Variants in HELZ2 observed in about 807,000 individuals in gnomAD.
HELZ2 encodes helicase with zinc finger 2, also known as 3'-5' exoribonuclease HELZ2.
A neutral mutation model predicts 208.8 loss-of-function variants in HELZ2; 143 were observed. The observed-to-expected ratio is 0.68, with a 90% CI of 0.60 to 0.79. The LOEUF is 0.79. Ranked by LOEUF, HELZ2 falls within the 30% of genes least tolerant of loss-of-function variation. HELZ2 has a pLI of 0.00. For synonymous variants in HELZ2, 1,705 were observed against 1,693.7 expected (o/e 1.01, Z -0.16); for missense variants, 3,690 against 3,794.5 (o/e 0.97, Z 0.72).
intron 8 of HELZ2, 46 bp from the exon 10 acceptor site, chr20:63,562,428 A>G: frequency 6.5e-7 from 1 of 1,541,830 alleles, no homozygotes; most frequent in Non-Finnish European, 8.7e-7. Context: ...ACTCCCAGGA[A>G]AGGGGCTGCT....
At position 63,561,994 on chromosome 20, in the gene HELZ2, G is replaced by A. The variant is rs779834791; in HGVS notation, c.6530-10C>T. On this transcript the variant is annotated splice_polypyrimidine_tract_variant and intron_variant, in intron 10 of 18. Transcript: ENST00000467148. ...ATCGTCTTCCCTGTACCTGCAGCCA[G>A]AGAATAGGAGATTGTAGCCCACCCT... 2 of 1,590,928 alleles carry A rather than the reference G, an allele frequency of 1.3e-6. No homozygotes were observed. Among genetic ancestry groups the A allele is most frequent in the Non-Finnish European group, 1.7e-6 (2 of 1,165,240 alleles).
upstream of HELZ2, among the ~76,000 whole-genome samples, chr20:63,573,941 T>A (rs1479161830): frequency 6.6e-6 from 1 of 151,952 alleles, no homozygotes; most frequent in Non-Finnish European, 1.5e-5. This position sits in a 1 kb window ranked among gnomAD's most constrained non-coding sequence, Gnocchi z 4.9. Flanking sequence ...AATCCTGCGC[T>A]CCAGTGGGTG....
At chr20:63,566,627 C>CTCA (rs2082961652) in intron 6 of HELZ2, among the ~76,000 whole-genome samples, 174 bp from the exon 8 acceptor site, 1 of 152,010 alleles carries the variant, frequency 6.6e-6, no homozygotes, top group East Asian at 1.9e-4. Flanking sequence ...GAGCGCAGGA[C>CTCA]GCAGTGAGGA....
exon 12 of HELZ2, chr20:63,561,722 G>T: frequency 6.2e-7 from 1 of 1,608,534 alleles, no homozygotes; most frequent in South Asian, 1.1e-5. Flanking sequence ...AGGGGCTTCA[G>T]CTCCATCCTT....
At position 63,562,266 on chromosome 20, in the gene HELZ2, T is replaced by TG. The variant is rs774705527; in HGVS notation, c.6397+21dup. On this transcript the variant is annotated intron_variant, in intron 9 of 18. Transcript: ENST00000467148. ...TGGGGCTGGGGGCCAGAGGGGAAGC[T>TG]GGAGGGGTGGGGCAGACCTACCTCT... 2.0e-5 allele frequency: 31 copies of TG among 1,562,592 alleles called. No homozygotes were observed. In the South Asian group the frequency reaches 3.3e-4, roughly 17 times the overall value.
At chr20:63,563,522 T>G (rs1600972128) in exon 8 of HELZ2, 1 of 1,511,230 alleles carries the variant, frequency 6.6e-7, no homozygotes, top group Non-Finnish European at 8.8e-7. Context: ...GGGGCAGGGG[T>G]CAGGCAGCGT....
At chr20:63,561,859 A>C in exon 11 of HELZ2, 1 of 1,567,674 alleles carries the variant, frequency 6.4e-7, no homozygotes, top group East Asian at 2.3e-5. Flanking sequence ...GAGGGGCCGC[A>C]GTACAAGATG....
chr20:63,561,739 A>T (rs1424746170), exon 12 of HELZ2: 1 of 1,599,518 alleles, frequency 6.3e-7, no homozygotes, highest in East Asian at 2.2e-5. Context: ...CCTTCTCAGG[A>T]GCAGTCCTGA....
downstream of HELZ2, chr20:63,559,118 C>T (rs952148887): frequency 1.0e-4 from 110 of 1,075,286 alleles, no homozygotes; most frequent in Admixed American, 2.4e-4. Context: ...CACTTCCTGC[C>T]CCAGGGAGAT....
At position 63,568,645 on chromosome 20, in the gene HELZ2, C is replaced by A. The variant is rs2146020631; in HGVS notation, c.1443G>T (p.Trp481Cys). Residue 481 changes from tryptophan to cysteine, a missense_variant, in exon 5 of 19, where the codon TGG becomes TGT. Coordinates refer to ENST00000467148, the Ensembl canonical transcript of HELZ2. ...CAGGCAGTGTGTCCACTGCCTGGTG[C>A]CAGAGGCGGAAGGTCATCGGGTCAA... The A allele has an allele frequency of 3.7e-6, 6 of 1,604,122 alleles. No individual in the cohort carries two copies. The South Asian group carries it at 5.5e-5, about 15-fold the overall frequency.
rs1217667669 is a variant in HELZ2, at chr20:63,563,626, C to T, written c.5196G>A (p.Gln1732=). ...GCTTGTCCAGAGGCTGGGCCTTGAGCTGCACGGCCAGGTGCAGGCTGCGCG... is the reference window on the plus strand; with the variant it reads ...GCTTGTCCAGAGGCTGGGCCTTGAGTTGCACGGCCAGGTGCAGGCTGCGCG... Residue 1732 remains glutamine, a synonymous_variant, in exon 8 of 19, where the codon CAG becomes CAA. Coordinates refer to ENST00000467148, the Ensembl canonical transcript of HELZ2. 4 of 1,542,222 alleles carry T rather than the reference C, an allele frequency of 2.6e-6. No homozygotes were observed. In the East Asian group the frequency reaches 9.7e-5, roughly 37 times the overall value.
At chr20:63,566,479 G>T (rs747562111) in intron 6 of HELZ2, 26 bp from the exon 8 acceptor site, 1 of 1,544,474 alleles carries the variant, frequency 6.5e-7, no homozygotes, top group South Asian at 1.2e-5. Context: ...GGCCGGGGAT[G>T]AGTGCTGGAC....
chr20:63,569,557 G>A (rs376955095), exon 4 of HELZ2: 31 of 1,601,732 alleles, frequency 1.9e-5, no homozygotes, highest in Middle Eastern at 1.6e-4. Flanking sequence ...CTGGGCACAC[G>A]GAAGCGCTCA....
chr20:63,562,615 G>A (rs764192471), exon 8 of HELZ2: 18 of 1,593,526 alleles, frequency 1.1e-5, no homozygotes, highest in African/African-American at 2.7e-5. Context: ...TGTGGTGGAC[G>A]AAGAGGTGCA....
At position 63,567,375 on chromosome 20, in the gene HELZ2, G is replaced by A. The variant is rs1302513824; in HGVS notation, c.1983C>T (p.Phe661=). The A allele has an allele frequency of 8.1e-6, 13 of 1,597,626 alleles. No homozygotes were observed. In the African/African-American group the frequency reaches 1.6e-4, roughly 20 times the overall value. The change falls in exon 6 of 19, where the codon TTC becomes TTT. Residue 661 remains phenylalanine (F), a synonymous_variant. Coordinates refer to ENST00000467148, the Ensembl canonical transcript of HELZ2. ...CCGCCTCATCGATGAGAATGTGGGA[G>A]AAGAAGCCGACCGGCACCCTGAGCT...
chr20:63,571,109 G>T, intron 1 of HELZ2: 1 of 486,154 alleles, frequency 2.1e-6, no homozygotes, highest in South Asian at 3.8e-5. Context: ...GGAGGCCCCC[G>T]TCCACTGAAC....
exon 8 of HELZ2, chr20:63,565,341 G>T: frequency 6.2e-7 from 1 of 1,607,260 alleles, no homozygotes; most frequent in Non-Finnish European, 8.5e-7. Flanking sequence ...CCACAGTCCA[G>T]GCGGCCCCTG....
Position 63,570,394 on chromosome 20 carries a change from G to C in HELZ2, c.570+110C>G, listed in dbSNP as rs535086527. The C allele has an allele frequency of 9.4e-6, 8 of 853,726 alleles. 1 individual carries two copies. In the South Asian group the frequency reaches 1.2e-4, roughly 12 times the overall value. 52.9% of individuals were successfully genotyped at this position (853,726 alleles called of 1,614,324 possible). ...GCTGCAGGTCACGCAGGTGCTGAGCGGCAGTGCCTCGGTATTAGCTCCATG... is the reference window on the plus strand; with the variant it reads ...GCTGCAGGTCACGCAGGTGCTGAGCCGCAGTGCCTCGGTATTAGCTCCATG... On this transcript the variant is annotated intron_variant, in intron 3 of 18. Transcript: ENST00000467148.
At chr20:63,569,118 C>CCCAGCTGCTCCTGCTAG in intron 4 of HELZ2, 30 bp downstream of exon 5, 2 of 1,577,050 alleles carry the variant, frequency 1.3e-6, no homozygotes, top group South Asian at 2.3e-5. Context: ...GCTCCTGCTA[C>CCCAGCTGCTCCTGCTAG]CCCAGCTGCT....
Sources: allele counts gnomAD v4.1 joint callset (sites outside exome capture counted in the v4.1 genomes callset), GRCh38; gene constraint gnomAD v4.1.1; non-coding constraint Gnocchi (gnomAD v3.1); transcripts MANE v1.5; gene names NCBI Gene and HGNC (gene_info 2026-07-23, HGNC 2026-07-21).